NCBP3: variants seen among roughly 807,000 people sequenced by gnomAD.
NCBP3 encodes the protein nuclear cap binding subunit 3.
Under a neutral mutation model 75.7 loss-of-function variants are expected in NCBP3, and 20 were observed. The ratio of observed to expected loss-of-function variants is 0.26; its 90% CI spans 0.19 to 0.38. NCBP3 has a LOEUF of 0.38. Ranked by LOEUF, NCBP3 falls within the 10% of genes least tolerant of loss-of-function variation. The pLI is 1.00. For missense variants in NCBP3, 678 were observed against 796.9 expected, an observed-to-expected ratio of 0.85 and a Z score of 1.80; for synonymous variants, 293 against 290.5, an observed-to-expected ratio of 1.01 and a Z score of -0.09.
intron 2 of NCBP3, among the ~76,000 whole-genome samples, chr17:3,842,772 A>G (rs1185436938): frequency 6.6e-6 from 1 of 152,046 alleles, no homozygotes; most frequent in Non-Finnish European, 1.5e-5. Flanking sequence ...CAGCCTCTTG[A>G]GTAGTTGGGA....
chr17:3,827,571 G>GT, intron 4 of NCBP3, among the ~76,000 whole-genome samples: 1 of 152,312 alleles, frequency 6.6e-6, no homozygotes, highest in Non-Finnish European at 1.5e-5. Context: ...ACTTAAAAGA[G>GT]TATTTCTCAA....
chr17:3,833,203 T>G (rs915876792), intron 3 of NCBP3, among the ~76,000 whole-genome samples: 2 of 152,032 alleles, frequency 1.3e-5, no homozygotes, highest in Non-Finnish European at 2.9e-5. Context: ...CAATGAGCCA[T>G]GATCACACAA....
intron 7 of NCBP3, 109 bp downstream of exon 7, chr17:3,824,833 G>A: frequency 1.8e-6 from 1 of 570,018 alleles, no homozygotes; most frequent in Non-Finnish European, 3.0e-6. Context: ...ATAGTTTGAA[G>A]GGAACTTTGA....
At chr17:3,831,810 G>A (rs909655608) in intron 3 of NCBP3, among the ~76,000 whole-genome samples, 1 of 120,422 alleles carries the variant, frequency 8.3e-6, no homozygotes, top group African/African-American at 2.5e-5. Context: ...AGCACAGTAG[G>A]GTGACTACAG....
chr17:3,832,747 C>G (rs980831695), intron 3 of NCBP3, among the ~76,000 whole-genome samples: 3 of 152,146 alleles, frequency 2.0e-5, no homozygotes, highest in Non-Finnish European at 2.9e-5. Context: ...GCCCATCCTT[C>G]TTCTGCAGAT....
At chr17:3,844,782 G>A (rs776529995) in intron 1 of NCBP3, among the ~76,000 whole-genome samples, 3 of 152,132 alleles carry the variant, frequency 2.0e-5, no homozygotes, top group South Asian at 2.1e-4. Flanking sequence ...CCCAGGAGGC[G>A]GAGGTTGCGG....
intron 7 of NCBP3, chr17:3,822,301 A>G (rs913323283): frequency 2.5e-5 from 9 of 358,240 alleles, no homozygotes; most frequent in Non-Finnish European, 4.5e-5. Context: ...AATGGAGAAA[A>G]CAAAAATAAA....
intron 9 of NCBP3, among the ~76,000 whole-genome samples, chr17:3,819,917 T>C (rs1314210027): frequency 6.6e-5 from 10 of 152,160 alleles, no homozygotes; most frequent in African/African-American, 2.2e-4. Flanking sequence ...GTAACTCAAA[T>C]TGGAAAAGTG....
At position 3,832,485 on chromosome 17, in the gene NCBP3, G is replaced by C. The variant is rs1293083800; in HGVS notation, c.356-3117C>G. On this transcript the variant is annotated intron_variant, in intron 3 of 12. Transcript: ENST00000389005. ...CTCTACTAAAAATACAAAACAATTA[G>C]CCAGGTGTGGTGGCAGGCACCTGTA... 1.7e-5 allele frequency among the ~76,000 whole-genome samples: 2 copies of C among 118,172 alleles called. 1 individual carries two copies. The highest frequency in any genetic ancestry group is 4.1e-5 in the Non-Finnish European group (2 of 49,138). 77.5% of individuals were successfully genotyped at this position (118,172 alleles called of 152,430 possible).
intron 3 of NCBP3, among the ~76,000 whole-genome samples, chr17:3,831,464 T>G (rs184502959): frequency 1.3e-5 from 2 of 149,458 alleles, no homozygotes; most frequent in Non-Finnish European, 3.0e-5. Context: ...TCCCAGCTAC[T>G]TGGGAGGCCG....
chr17:3,842,308 C>T (rs2054078677), intron 2 of NCBP3, among the ~76,000 whole-genome samples: 1 of 152,072 alleles, frequency 6.6e-6, no homozygotes, highest in Admixed American at 6.6e-5. Flanking sequence ...GCCTGTAGTC[C>T]TACCTACTCA....
intron 3 of NCBP3, among the ~76,000 whole-genome samples, chr17:3,837,904 C>T (rs1044658751): frequency 2.6e-5 from 4 of 151,936 alleles, no homozygotes; most frequent in Non-Finnish European, 5.9e-5. Flanking sequence ...AGCAAGCTTC[C>T]CCAGCTGACA....
intron 3 of NCBP3, among the ~76,000 whole-genome samples, chr17:3,832,572 A>C (rs867437400): frequency 1.4e-5 from 2 of 147,780 alleles, no homozygotes; most frequent in South Asian, 2.3e-4. Flanking sequence ...CGGAGGTTGC[A>C]GTGAGCCGAG....
Position 3,810,722 on chromosome 17 carries a change from TTC to T in NCBP3, c.*2320_*2321del, listed in dbSNP as rs1346305855. The T allele has an allele frequency of 2.6e-5, 4 of 152,114 alleles. No homozygotes were observed. The highest frequency in any genetic ancestry group is 5.9e-5 in the Non-Finnish European group (4 of 68,028). The allele number at this position is 152,114 out of a possible 1,614,324, so 9.4% of individuals were successfully genotyped here. Reference sequence around the variant, plus strand: ...AAATCTTTAAAGCTGCCTTTCTGGGTTCTCTCTGTGTGTCTGTGAAAACTGTA... The same window carrying T: ...AAATCTTTAAAGCTGCCTTTCTGGGTTCTCTGTGTGTCTGTGAAAACTGTA... On this transcript the variant is annotated 3_prime_UTR_variant, in exon 13 of 13. Coordinates refer to ENST00000389005, the MANE Select transcript of NCBP3 (RefSeq NM_001114118.3).
chr17:3,819,610 C>G (rs1236855590), intron 9 of NCBP3, among the ~76,000 whole-genome samples: 3 of 151,138 alleles, frequency 2.0e-5, no homozygotes, highest in Non-Finnish European at 2.9e-5. Flanking sequence ...ACATATTGAT[C>G]AACTGACAAA....
chr17:3,823,738 A>T (rs2053716452), intron 7 of NCBP3: 1 of 152,188 alleles, frequency 6.6e-6, no homozygotes, highest in African/African-American at 2.4e-5. Context: ...ACCAATTTTT[A>T]AATTACAAAT....
chr17:3,830,003 A>G (rs1409181679), intron 3 of NCBP3, among the ~76,000 whole-genome samples: 3 of 152,212 alleles, frequency 2.0e-5, no homozygotes, highest in Non-Finnish European at 4.4e-5. Context: ...ACCAGATTTT[A>G]CACCTTATTT....
chr17:3,829,141 A>C, intron 4 of NCBP3, 102 bp downstream of exon 4: 1 of 1,314,834 alleles, frequency 7.6e-7, no homozygotes, highest in Non-Finnish European at 1.0e-6. Flanking sequence ...AGTTCGGCAT[A>C]AACAAGTAGT....
chr17:3,814,629 G>C, intron 11 of NCBP3, 146 bp from the exon 12 acceptor site: 1 of 825,990 alleles, frequency 1.2e-6, no homozygotes. Context: ...TTCTTCCTTT[G>C]TAATCAGTCT....
Sources: allele counts gnomAD v4.1 joint callset (sites outside exome capture counted in the v4.1 genomes callset), GRCh38; gene constraint gnomAD v4.1.1; transcripts MANE v1.5; gene names NCBI Gene and HGNC (gene_info 2026-07-23, HGNC 2026-07-21).